The following SUSD1 variants were observed in gnomAD, a reference collection of about 807,000 sequenced individuals.
SUSD1 encodes the protein sushi domain-containing protein 1.
In SUSD1, 65 loss-of-function variants were observed where a neutral mutation model predicts 86.9. The observed-to-expected ratio is 0.75, with a 90% CI of 0.61 to 0.92. SUSD1 has a LOEUF of 0.92. SUSD1 is among the 40% of genes least tolerant of loss of function. The probability of loss-of-function intolerance (pLI) is 0.00; values close to 1 mark genes in which losing one functional copy is unlikely to be tolerated. For missense variants in SUSD1, 850 were observed against 929.7 expected, an observed-to-expected ratio of 0.91 and a Z score of 1.11; for synonymous variants, 346 against 350.0, an observed-to-expected ratio of 0.99 and a Z score of 0.13.
intron 2 of SUSD1, among the ~76,000 whole-genome samples, chr9:112,153,670 A>G (rs1484696969): frequency 2.0e-5 from 3 of 148,956 alleles, no homozygotes; most frequent in Non-Finnish European, 3.0e-5. Context: ...CTGGAGTGCA[A>G]TGGCGCGATC....
chr9:112,068,518 T>C (rs974187376), intron 12 of SUSD1, among the ~76,000 whole-genome samples: 1 of 152,032 alleles, frequency 6.6e-6, no homozygotes, highest in African/African-American at 2.4e-5. Flanking sequence ...TTGGGCAACA[T>C]GGTGAAACCT....
chr9:112,100,878 A>ACACG (rs1424743712), intron 9 of SUSD1, among the ~76,000 whole-genome samples: 1 of 151,650 alleles, frequency 6.6e-6, no homozygotes, highest in African/African-American at 2.4e-5. Context: ...ACACACACAC[A>ACACG]CACACACACA....
intron 15 of SUSD1, among the ~76,000 whole-genome samples, chr9:112,049,908 C>T (rs904034525): frequency 1.3e-4 from 20 of 152,108 alleles, no homozygotes; most frequent in Non-Finnish European, 4.4e-5. Flanking sequence ...CTGCCAAAGC[C>T]ACTTAGATAT....
intron 15 of SUSD1, among the ~76,000 whole-genome samples, chr9:112,048,446 T>C (rs1828049160): frequency 6.6e-6 from 1 of 152,138 alleles, no homozygotes; most frequent in Non-Finnish European, 1.5e-5. Context: ...ACACACTAGG[T>C]TTATATCCTG....
Position 112,143,522 on chromosome 9 carries a change from T to G in SUSD1, c.475A>C (p.Arg159=). ...ECYCMDGYLP[R]NGPEPFHPTT... is the part of the protein sequence containing the mutation. ...GGGTGGAAAGGTTCAGGTCCATTCC[T>G]TGGCAAGTATCCATCCATACAGTAG... Residue 159 remains arginine (R), a synonymous_variant, in exon 4 of 17, where the codon AGG becomes CGG. Transcript: ENST00000374270. 1 of 1,614,146 alleles carries G rather than the reference T, an allele frequency of 6.2e-7. No homozygotes were observed. The highest frequency in any genetic ancestry group is 1.7e-5 in the Admixed American group (1 of 60,016).
At chr9:112,041,832 T>C in intron 16 of SUSD1, 35 bp downstream of exon 16, 1 of 1,593,428 alleles carries the variant, frequency 6.3e-7, no homozygotes. Context: ...TCCCCTCCAT[T>C]CCAGTCATTT....
chr9:112,151,085 G>A (rs1833024158), intron 2 of SUSD1, among the ~76,000 whole-genome samples: 1 of 152,184 alleles, frequency 6.6e-6, no homozygotes. Context: ...TAGCACTACA[G>A]GCACAAGCCA....
chr9:112,123,260 G>A (rs1257284659), intron 6 of SUSD1, among the ~76,000 whole-genome samples: 1 of 152,184 alleles, frequency 6.6e-6, no homozygotes, highest in Non-Finnish European at 1.5e-5. Flanking sequence ...CGTGGCAGAA[G>A]GTGAAGAGGG....
chr9:112,161,011 T>C (rs778277277), intron 1 of SUSD1, among the ~76,000 whole-genome samples: 2 of 152,192 alleles, frequency 1.3e-5, no homozygotes, highest in African/African-American at 4.8e-5. Flanking sequence ...TAAGTATATT[T>C]AACCATCTTA....
At chr9:112,142,583 C>T (rs1003139473) in intron 4 of SUSD1, 84 bp from the exon 5 acceptor site, 2 of 1,285,526 alleles carry the variant, frequency 1.6e-6, no homozygotes, top group Non-Finnish European at 2.2e-6. Context: ...CTACCCTATT[C>T]CTCACACACA....
At chr9:112,117,112 C>A (rs1158110303) in intron 6 of SUSD1, among the ~76,000 whole-genome samples, 2 of 152,166 alleles carry the variant, frequency 1.3e-5, no homozygotes, top group Non-Finnish European at 2.9e-5. Flanking sequence ...TGCACTCCAG[C>A]CTGGGTGATA....
chr9:112,151,607 A>C (rs1237673868), intron 2 of SUSD1, among the ~76,000 whole-genome samples: 1 of 151,482 alleles, frequency 6.6e-6, no homozygotes, highest in Non-Finnish European at 1.5e-5. Context: ...AAAAAAAAAA[A>C]AGTATCTTTC....
At chr9:112,141,845 T>TTATA (rs916289892) in intron 5 of SUSD1, among the ~76,000 whole-genome samples, 1 of 144,512 alleles carries the variant, frequency 6.9e-6, no homozygotes, top group African/African-American at 2.5e-5. Flanking sequence ...CATGACGTTT[T>TTATA]TATATATATA....
intron 10 of SUSD1, among the ~76,000 whole-genome samples, chr9:112,087,211 G>A (rs1337621557): frequency 6.6e-6 from 1 of 151,992 alleles, no homozygotes; most frequent in Non-Finnish European, 1.5e-5. Context: ...TCTTTCTGCT[G>A]CCCAGGCTGG....
chr9:112,061,653 A>G (rs1479808491), intron 13 of SUSD1, among the ~76,000 whole-genome samples: 2 of 152,234 alleles, frequency 1.3e-5, no homozygotes, highest in African/African-American at 4.8e-5. Context: ...TAACTTGTCA[A>G]GAATCAGAAC....
intron 1 of SUSD1, among the ~76,000 whole-genome samples, chr9:112,160,459 G>A (rs1416696126): frequency 1.3e-5 from 2 of 152,140 alleles, no homozygotes; most frequent in Non-Finnish European, 2.9e-5. Flanking sequence ...CAAGAGAATC[G>A]CTTGAACCCA....
intron 5 of SUSD1, among the ~76,000 whole-genome samples, chr9:112,139,098 C>T (rs1832445073): frequency 1.3e-5 from 2 of 152,136 alleles, no homozygotes; most frequent in African/African-American, 4.8e-5. Context: ...CCAAATAGTC[C>T]AAGGGCTACC....
intron 14 of SUSD1, among the ~76,000 whole-genome samples, 181 bp downstream of exon 14, chr9:112,058,247 A>G (rs959477579): frequency 5.3e-5 from 8 of 152,220 alleles, no homozygotes; most frequent in Admixed American, 6.5e-5. Flanking sequence ...GTGGTTCAGA[A>G]TCCATATCAT....
intron 15 of SUSD1, among the ~76,000 whole-genome samples, chr9:112,048,592 GCT>G (rs1368953337): frequency 1.2e-4 from 19 of 152,084 alleles, no homozygotes; most frequent in Admixed American, 9.8e-4. Flanking sequence ...TGCATGCCAG[GCT>G]CTGTTCCTCC....
Sources: gnomAD v4.1 joint callset for allele counts (sites outside exome capture counted in the v4.1 genomes callset) on GRCh38, gnomAD v4.1.1 for gene constraint, MANE v1.5 for transcripts, NCBI Gene and HGNC (gene_info 2026-07-23, HGNC 2026-07-21) for gene names.